Variants in ARID1B observed in about 807,000 individuals in gnomAD.
ARID1B encodes AT-rich interaction domain 1B.
ARID1B carries 30 observed loss-of-function variants against 212.3 expected under a neutral mutation model. That is an observed-to-expected ratio of 0.14 (90% CI 0.11 to 0.19). ARID1B has a LOEUF of 0.19. ARID1B is among the 10% of genes least tolerant of loss of function. The probability of loss-of-function intolerance (pLI) is 1.00; values close to 1 mark genes in which losing one functional copy is unlikely to be tolerated. For missense variants in ARID1B, 2,891 were observed against 3,204.0 expected (o/e 0.90, Z 2.36); for synonymous variants, 1,402 against 1,301.7 (o/e 1.08, Z -1.66).
At chr6:157,175,027 T>C (rs772436288) in intron 11 of ARID1B, 22 bp downstream of exon 11, 1 of 1,360,012 alleles carries the variant, frequency 7.4e-7, no homozygotes, top group Non-Finnish European at 9.6e-7. Context: ...TGGTTTTTTT[T>C]TGTTTTTTTT....
intron 4 of ARID1B, among the ~76,000 whole-genome samples, chr6:156,966,892 G>C (rs1211242133): frequency 6.6e-6 from 1 of 151,418 alleles, no homozygotes; most frequent in African/African-American, 2.4e-5. Flanking sequence ...TAGAGATGGG[G>C]TTTCTCCGTG....
At chr6:157,029,741 C>T (rs773074928) in intron 4 of ARID1B, among the ~76,000 whole-genome samples, 18 of 152,122 alleles carry the variant, frequency 1.2e-4, no homozygotes, top group Non-Finnish European at 2.4e-4. Context: ...GCCAGTGCAG[C>T]GGGAACATTG....
rs200471587 is a variant in ARID1B, at chr6:157,208,877, CAAAA to C, written c.*993_*996del. The C allele has an allele frequency of 2.6e-4, 53 of 201,848 alleles. No individual in the cohort carries two copies. The highest frequency in any genetic ancestry group is 4.7e-4 in the Non-Finnish European group (48 of 102,184). The allele number at this position is 201,848 out of a possible 1,614,324, so 12.5% of individuals were successfully genotyped here. On this transcript the variant is annotated 3_prime_UTR_variant, in exon 20 of 20. Transcript: ENST00000636930. Reference sequence around the variant, plus strand: ...AAAGAAAAAATACAAAAAACAAAAACAAAAAAAAAAGAGGGTAATGTACAAGTTT... The same window carrying C: ...AAAGAAAAAATACAAAAAACAAAAACAAAAAAGAGGGTAATGTACAAGTTT...
intron 5 of ARID1B, among the ~76,000 whole-genome samples, chr6:157,091,377 C>A (rs919640734): frequency 6.6e-6 from 1 of 152,176 alleles, no homozygotes; most frequent in African/African-American, 2.4e-5. Flanking sequence ...CACCCAGTCC[C>A]ACCCTTCAGC....
intron 6 of ARID1B, among the ~76,000 whole-genome samples, chr6:157,123,316 C>T (rs1015692153): frequency 6.7e-5 from 10 of 148,826 alleles, no homozygotes; most frequent in Non-Finnish European, 1.2e-4. Flanking sequence ...TCTTAGGCCG[C>T]CCAGAGCTAA....
intron 4 of ARID1B, among the ~76,000 whole-genome samples, chr6:157,001,299 C>T (rs1397142203): frequency 6.6e-6 from 1 of 152,144 alleles, no homozygotes; most frequent in Admixed American, 6.5e-5. Context: ...GGATCGCTCA[C>T]GAGTAGTGGA....
chr6:157,019,209 G>C (rs1780081719), intron 4 of ARID1B, among the ~76,000 whole-genome samples: 1 of 152,166 alleles, frequency 6.6e-6, no homozygotes, highest in Non-Finnish European at 1.5e-5. Flanking sequence ...GAGGGAGAAT[G>C]GGTTGGAAAG....
At chr6:157,113,449 G>C (rs1011953712) in intron 6 of ARID1B, among the ~76,000 whole-genome samples, 1 of 152,184 alleles carries the variant, frequency 6.6e-6, no homozygotes, top group Non-Finnish European at 1.5e-5. Flanking sequence ...AGGCATGGCT[G>C]GGGAGGCCTC....
At chr6:156,813,743 A>C (rs191006154) in intron 1 of ARID1B, among the ~76,000 whole-genome samples, 1 of 152,354 alleles carries the variant, frequency 6.6e-6, no homozygotes, top group Admixed American at 6.5e-5. Flanking sequence ...GACCCTAGAC[A>C]TATATTAGGC....
chr6:156,954,989 C>T (rs1283903724), intron 4 of ARID1B, among the ~76,000 whole-genome samples: 1 of 152,242 alleles, frequency 6.6e-6, no homozygotes, highest in African/African-American at 2.4e-5. Context: ...GTCACGCTGC[C>T]GTGTATCGGA....
At position 157,094,938 on chromosome 6, in the gene ARID1B, G is replaced by C. The variant is rs1215198707; in HGVS notation, c.2491+10033G>C. 6.6e-6 allele frequency among the ~76,000 whole-genome samples: 1 copy of C among 152,116 alleles called. No individual in the cohort carries two copies. Among genetic ancestry groups the C allele is most frequent in the African/African-American group, 2.4e-5 (1 of 41,414 alleles). On this transcript the variant is annotated intron_variant, in intron 5 of 19. Transcript: ENST00000636930. The surrounding 1 kb of genome is among the most constrained non-coding windows in gnomAD (Gnocchi z 4.3). ...AGACAGAGGAACACGTTTTTGAAGG[G>C]GAATCGAGAGTTTGGTTTTAAACAT...
At chr6:157,042,806 G>A (rs1479178094) in intron 4 of ARID1B, among the ~76,000 whole-genome samples, 2 of 151,856 alleles carry the variant, frequency 1.3e-5, no homozygotes, top group Non-Finnish European at 2.9e-5. Flanking sequence ...ATACAGACCT[G>A]TGCCACAACG....
At chr6:157,176,203 G>A (rs539470193) in intron 11 of ARID1B, among the ~76,000 whole-genome samples, 52 of 152,264 alleles carry the variant, frequency 3.4e-4, no homozygotes, top group Non-Finnish European at 6.9e-4. Context: ...GCTACGTTTC[G>A]ATTTTGCAGC....
chr6:156,845,625 T>C (rs1160587491), intron 2 of ARID1B, among the ~76,000 whole-genome samples: 1 of 152,200 alleles, frequency 6.6e-6, no homozygotes, highest in African/African-American at 2.4e-5. Context: ...ATGTCACTGA[T>C]TGTTTTTCTC....
chr6:157,117,919 G>C (rs747529652), intron 6 of ARID1B, among the ~76,000 whole-genome samples: 1 of 152,156 alleles, frequency 6.6e-6, no homozygotes, highest in African/African-American at 2.4e-5. Context: ...TACAGTGGGT[G>C]TCAGTATGAG....
chr6:156,875,841 G>T (rs747321614), intron 2 of ARID1B, among the ~76,000 whole-genome samples: 15 of 152,278 alleles, frequency 9.9e-5, no homozygotes, highest in African/African-American at 2.9e-4. Flanking sequence ...CTACGTTTTG[G>T]CTAACAAATG....
At chr6:156,959,881 G>A (rs946435759) in intron 4 of ARID1B, among the ~76,000 whole-genome samples, 3 of 151,216 alleles carry the variant, frequency 2.0e-5, no homozygotes, top group Non-Finnish European at 4.4e-5. Context: ...GCACCTGTGT[G>A]CTGGTGAAAT....
intron 1 of ARID1B, among the ~76,000 whole-genome samples, chr6:156,782,287 A>G (rs1349669939): frequency 6.6e-6 from 1 of 151,890 alleles, no homozygotes; most frequent in Non-Finnish European, 1.5e-5. Flanking sequence ...TTCATTTTTG[A>G]TTTCAGGAAA....
chr6:156,845,058 A>G (rs541998428), intron 2 of ARID1B, among the ~76,000 whole-genome samples: 14 of 82,312 alleles, frequency 1.7e-4, no homozygotes, highest in Non-Finnish European at 2.4e-4. Flanking sequence ...AGATGTCCAC[A>G]TGTAAAAAGC....
Sources: allele counts gnomAD v4.1 joint callset (sites outside exome capture counted in the v4.1 genomes callset), GRCh38; gene constraint gnomAD v4.1.1; non-coding constraint Gnocchi (gnomAD v3.1); transcripts MANE v1.5; gene names NCBI Gene and HGNC (gene_info 2026-07-23, HGNC 2026-07-21).